The following PTPRD variants were observed in gnomAD, a reference collection of about 807,000 sequenced individuals.
PTPRD encodes the protein receptor-type tyrosine-protein phosphatase delta.
Under a neutral mutation model 214.5 loss-of-function variants are expected in PTPRD, and 34 were observed. The observed-to-expected ratio is 0.16, with a 90% CI of 0.12 to 0.21. PTPRD has a LOEUF of 0.21. PTPRD is among the 10% of genes least tolerant of loss of function. PTPRD has a pLI of 1.00. For synonymous variants in PTPRD, 1,128 were observed against 845.7 expected (o/e 1.33, Z -5.79); for missense variants, 2,545 against 2,398.7 (o/e 1.06, Z -1.27).
chr9:8,836,100 T>C (rs916973012), intron 11 of PTPRD, among the ~76,000 whole-genome samples: 1 of 152,196 alleles, frequency 6.6e-6, no homozygotes, highest in Non-Finnish European at 1.5e-5. Context: ...CCACTTTTTA[T>C]GTCCTAGAGT....
chr9:8,615,487 C>A (rs2095581644), intron 14 of PTPRD, among the ~76,000 whole-genome samples: 1 of 152,046 alleles, frequency 6.6e-6, no homozygotes, highest in Non-Finnish European at 1.5e-5. Context: ...AATGGCCTTT[C>A]ATGGTGTTTT....
intron 9 of PTPRD, among the ~76,000 whole-genome samples, chr9:9,292,826 A>T (rs1951642532): frequency 6.7e-6 from 1 of 150,318 alleles, no homozygotes; most frequent in African/African-American, 2.4e-5. Flanking sequence ...ATGTTCCTCT[A>T]TGGGAATTTT....
At chr9:9,235,531 T>A (rs544810181) in intron 9 of PTPRD, among the ~76,000 whole-genome samples, 1 of 152,264 alleles carries the variant, frequency 6.6e-6, no homozygotes, top group South Asian at 2.1e-4. Context: ...CCTCTTGTCT[T>A]TTGTTATAGG....
chr9:10,086,870 C>T (rs1293743776), intron 3 of PTPRD, among the ~76,000 whole-genome samples: 1 of 151,750 alleles, frequency 6.6e-6, no homozygotes, highest in Non-Finnish European at 1.5e-5. Context: ...ATATGTGCAT[C>T]CATCTATAAA....
chr9:9,444,157 C>A (rs1420112637), intron 8 of PTPRD, among the ~76,000 whole-genome samples: 1 of 152,120 alleles, frequency 6.6e-6, no homozygotes, highest in East Asian at 1.9e-4. Flanking sequence ...GTGTACCATA[C>A]CACTTAACAT....
chr9:9,197,209 C>T (rs1039106960), intron 9 of PTPRD, among the ~76,000 whole-genome samples: 5 of 152,148 alleles, frequency 3.3e-5, no homozygotes, highest in Non-Finnish European at 7.3e-5. Context: ...CACTTCCTTA[C>T]ACTTTCCCCC....
At chr9:9,111,440 C>G (rs1437662631) in intron 10 of PTPRD, among the ~76,000 whole-genome samples, 1 of 151,984 alleles carries the variant, frequency 6.6e-6, no homozygotes, top group Non-Finnish European at 1.5e-5. Context: ...TGAGTCCTCA[C>G]TTTGGATGTG....
intron 5 of PTPRD, among the ~76,000 whole-genome samples, chr9:9,819,262 G>T (rs1338918133): frequency 6.6e-6 from 1 of 151,976 alleles, no homozygotes; most frequent in African/African-American, 2.4e-5. Flanking sequence ...AGAAATTACA[G>T]GTCTCTATAA....
At position 9,817,541 on chromosome 9, in the gene PTPRD, C is replaced by G. The variant is rs145499004; in HGVS notation, c.-367-50690G>C. On this transcript the variant is annotated intron_variant, in intron 5 of 45. Coordinates refer to ENST00000381196, the MANE Select transcript of PTPRD (RefSeq NM_002839.4). ...AGAAATATATTTCTTCTCATCCTGTCAAGTTTACTTTTGTCCTGTATTTAC... is the reference window on the plus strand; with the variant it reads ...AGAAATATATTTCTTCTCATCCTGTGAAGTTTACTTTTGTCCTGTATTTAC... 7.1e-3 allele frequency among the ~76,000 whole-genome samples: 1,083 copies of G among 152,202 alleles called. 14 individuals are homozygous for G. The highest frequency in any genetic ancestry group is 0.021 in the Middle Eastern group (6 of 292).
chr9:10,247,532 A>C (rs963509626), intron 3 of PTPRD, among the ~76,000 whole-genome samples: 1 of 152,170 alleles, frequency 6.6e-6, no homozygotes, highest in South Asian at 2.1e-4. Flanking sequence ...TTATGATCCA[A>C]CACTTTATAA....
At chr9:8,965,103 C>A (rs934129779) in intron 11 of PTPRD, among the ~76,000 whole-genome samples, 2 of 152,036 alleles carry the variant, frequency 1.3e-5, no homozygotes, top group Non-Finnish European at 2.9e-5. Flanking sequence ...TTAGGCCAGG[C>A]ACAGTGGTTC....
intron 7 of PTPRD, among the ~76,000 whole-genome samples, chr9:9,670,594 G>A (rs2096809632): frequency 6.6e-6 from 1 of 152,178 alleles, no homozygotes; most frequent in Admixed American, 6.5e-5. Flanking sequence ...GGAGAAAATG[G>A]TTCTGTGGGC....
chr9:8,419,578 C>G (rs1331838673), intron 35 of PTPRD, among the ~76,000 whole-genome samples: 3 of 151,614 alleles, frequency 2.0e-5, no homozygotes, highest in Non-Finnish European at 4.4e-5. Context: ...ATAAGCAGGT[C>G]ATCTTAACCA....
At chr9:10,338,542 C>G (rs1463535983) in intron 3 of PTPRD, among the ~76,000 whole-genome samples, 3 of 151,728 alleles carry the variant, frequency 2.0e-5, no homozygotes, top group Non-Finnish European at 2.9e-5. Context: ...TGACTTTTAT[C>G]ACATCTATAG....
intron 7 of PTPRD, among the ~76,000 whole-genome samples, chr9:9,610,242 A>G (rs1564035446): frequency 6.6e-6 from 1 of 152,204 alleles, no homozygotes; most frequent in Non-Finnish European, 1.5e-5. Context: ...TCCTTGAACA[A>G]CTACAACATT....
intron 6 of PTPRD, among the ~76,000 whole-genome samples, chr9:9,756,194 T>G (rs1427634206): frequency 3.3e-5 from 5 of 152,106 alleles, no homozygotes; most frequent in Admixed American, 3.3e-4. Flanking sequence ...GAGATGAACA[T>G]AAATTCTAAC....
intron 9 of PTPRD, among the ~76,000 whole-genome samples, chr9:9,345,778 T>C (rs1488997345): frequency 1.3e-5 from 2 of 152,142 alleles, no homozygotes; most frequent in Admixed American, 1.3e-4. Context: ...GGAACAATAA[T>C]GATATCAACT....
At chr9:10,410,503 A>C (rs2098423284) in intron 2 of PTPRD, among the ~76,000 whole-genome samples, 1 of 151,184 alleles carries the variant, frequency 6.6e-6, no homozygotes, top group African/African-American at 2.4e-5. Context: ...TATAGACACA[A>C]ACTGTTGATG....
chr9:10,570,909 T>C (rs1230756380), intron 2 of PTPRD, among the ~76,000 whole-genome samples: 1 of 151,718 alleles, frequency 6.6e-6, no homozygotes, highest in Non-Finnish European at 1.5e-5. Context: ...AGGGTTACTA[T>C]TCTTTCCATA....
Sources: gnomAD v4.1 joint callset for allele counts (sites outside exome capture counted in the v4.1 genomes callset) on GRCh38, gnomAD v4.1.1 for gene constraint, MANE v1.5 for transcripts, NCBI Gene and HGNC (gene_info 2026-07-23, HGNC 2026-07-21) for gene names.